S100A10: variants seen among roughly 807,000 people sequenced by gnomAD.
S100A10 encodes the protein protein S100-A10.
S100A10 carries 3 observed loss-of-function variants against 7.1 expected under a neutral mutation model. The observed-to-expected ratio is 0.42, with a 90% CI of 0.19 to 1.10. The LOEUF is 1.10. Among genes scored for constraint, S100A10 ranks in the 50% least tolerant of loss-of-function variants. The probability of loss-of-function intolerance (pLI) is 0.29; values close to 1 mark genes in which losing one functional copy is unlikely to be tolerated. For missense variants in S100A10, 101 were observed against 118.1 expected (o/e 0.86, Z 0.67); for synonymous variants, 41 against 39.3 (o/e 1.04, Z -0.16).
intron 2 of S100A10, among the ~76,000 whole-genome samples, chr1:151,985,620 C>T (rs141787231): frequency 4.6e-5 from 7 of 152,310 alleles, no homozygotes; most frequent in South Asian, 2.1e-4. Flanking sequence ...AAGGGAGATT[C>T]GAGTTGCTCA....
intron 2 of S100A10, 21 bp downstream of exon 2, chr1:151,986,078 T>C: frequency 6.4e-7 from 1 of 1,572,504 alleles, no homozygotes; most frequent in South Asian, 1.2e-5. Flanking sequence ...TCTGGTTCTT[T>C]GTAAGCTTTT....
intron 1 of S100A10, among the ~76,000 whole-genome samples, chr1:151,991,580 T>G (rs1655903747): frequency 6.6e-6 from 1 of 152,242 alleles, no homozygotes; most frequent in Non-Finnish European, 1.5e-5. Context: ...TCTTTCTTTT[T>G]GCTTTTGATG....
At chr1:151,984,349 C>T (rs1161776232) in intron 2 of S100A10, among the ~76,000 whole-genome samples, 1 of 152,104 alleles carries the variant, frequency 6.6e-6, no homozygotes, top group Admixed American at 6.5e-5. Flanking sequence ...ATGAGCACTG[C>T]AAACTCCTAC....
At chr1:151,987,779 C>T (rs1022245666) in intron 1 of S100A10, among the ~76,000 whole-genome samples, 3 of 152,116 alleles carry the variant, frequency 2.0e-5, no homozygotes, top group Admixed American at 2.0e-4. Context: ...CCGCCCACCT[C>T]GGCCTCCCAA....
rs978091397 is a variant in S100A10 at position 151,988,070 on chromosome 1, C to T, written c.-21-1819G>A. 3.4e-4 allele frequency among the ~76,000 whole-genome samples: 52 copies of T among 152,158 alleles called. 1 individual carries two copies. Among genetic ancestry groups the T allele is most frequent in the Admixed American group, 3.3e-4 (5 of 15,278 alleles). Reference sequence around the variant, plus strand: ...CTGGGGTACAGTGGGAAAGCAAGAGCTTTCATCATGAAGCGTTTATAAGAA... The same window carrying T: ...CTGGGGTACAGTGGGAAAGCAAGAGTTTTCATCATGAAGCGTTTATAAGAA... On this transcript the variant is annotated intron_variant, in intron 1 of 2. Transcript: ENST00000368811.
chr1:151,991,230 A>C (rs1453553608), intron 1 of S100A10, among the ~76,000 whole-genome samples: 9 of 152,222 alleles, frequency 5.9e-5, no homozygotes, highest in East Asian at 1.9e-4. Flanking sequence ...GGCATTCTTA[A>C]ATTTGATCTC....
Position 151,993,793 on chromosome 1 carries a change from T to G in S100A10, c.-63A>C, listed in dbSNP as rs976825746. 4 of 156,918 alleles carry G rather than the reference T, an allele frequency of 2.5e-5. No individual in the cohort carries two copies. The highest frequency in any genetic ancestry group is 5.6e-5 in the Non-Finnish European group (4 of 71,548). 9.7% of individuals were successfully genotyped at this position (156,918 alleles called of 1,614,324 possible). A position where few individuals can be genotyped will look rare whatever the true frequency, so the allele number is the denominator to read the frequency against. On this transcript the variant is annotated 5_prime_UTR_variant, in exon 1 of 3. Coordinates refer to ENST00000368811, the MANE Select transcript of S100A10 (RefSeq NM_002966.3). The surrounding 1 kb of genome is among the most constrained non-coding windows in gnomAD (Gnocchi z 5.1). ...CGGACGCTGGGCGAGCTGGGCGAGCTGGACGCGGGGCGGAGAGGCGAGCGC... is the reference window on the plus strand; with the variant it reads ...CGGACGCTGGGCGAGCTGGGCGAGCGGGACGCGGGGCGGAGAGGCGAGCGC...
chr1:151,983,458 T>C (rs1392137560), intron 2 of S100A10, 134 bp from the exon 3 acceptor site: 1 of 459,022 alleles, frequency 2.2e-6, no homozygotes, highest in Non-Finnish European at 3.6e-6. Flanking sequence ...ATAAGCAACC[T>C]TTGGAGTTCA....
rs386368314 is a variant in S100A10, at chr1:151,987,027, CTTTTTTTTTTTTTTT to C, written c.-21-791_-21-777del. 3.2e-3 allele frequency among the ~76,000 whole-genome samples: 267 copies of C among 83,558 alleles called. 7 individuals are homozygous for C. In the East Asian group the frequency reaches 0.058, roughly 18 times the overall value. The allele number at this position is 83,558 out of a possible 152,430, so 54.8% of individuals were successfully genotyped here. ...TTAGAAAAGCAACATCAGTGTTCCT[CTTTTTTTTTTTTTTT>C]TTTTTTTTTTTGAGACGGAGCTTTG... is the stretch of plus-strand genomic sequence containing the variant. On this transcript the variant is annotated intron_variant, in intron 1 of 2. Coordinates refer to ENST00000368811, the MANE Select transcript of S100A10 (RefSeq NM_002966.3).
At chr1:151,990,686 T>A (rs1238103890) in intron 1 of S100A10, among the ~76,000 whole-genome samples, 1 of 152,190 alleles carries the variant, frequency 6.6e-6, no homozygotes, top group Non-Finnish European at 1.5e-5. Context: ...CACACACACA[T>A]ACACACATGC....
At chr1:151,986,288 C>T in intron 1 of S100A10, 37 bp from the exon 2 acceptor site, 1 of 1,447,832 alleles carries the variant, frequency 6.9e-7, no homozygotes, top group Non-Finnish European at 9.2e-7. Flanking sequence ...TCTACATTAA[C>T]TTTTTTTGGC....
In S100A10 at chr1:151,983,324, T is replaced by G; in HGVS notation, c.133A>C (p.Asn45His). The part of the protein sequence containing the change: ...MEKEFPGFLE[N>H]QKDPLAVDKI... Reference sequence around the variant, plus strand: ...TCCACAGCCAGAGGGTCTTTTTGATTCTGAAAAAAAAAAGAACAAAGGCAA... The same window carrying G: ...TCCACAGCCAGAGGGTCTTTTTGATGCTGAAAAAAAAAAGAACAAAGGCAA... The change falls in exon 3 of 3, where the codon AAT becomes CAT. Residue 45 changes from asparagine to histidine, a missense_variant and splice_region_variant. Coordinates refer to ENST00000368811, the MANE Select transcript of S100A10 (RefSeq NM_002966.3). The G allele has an allele frequency of 1.3e-6, 2 of 1,534,688 alleles. No individual in the cohort carries two copies. The highest frequency in any genetic ancestry group is 1.7e-6 in the Non-Finnish European group (2 of 1,147,010).
chr1:151,984,414 C>T (rs1294798687), intron 2 of S100A10, among the ~76,000 whole-genome samples: 2 of 152,294 alleles, frequency 1.3e-5, no homozygotes, highest in Admixed American at 1.3e-4. Context: ...ATTCTGGCTT[C>T]ACCCTCAGCT....
intron 1 of S100A10, among the ~76,000 whole-genome samples, chr1:151,989,348 T>A (rs1655858606): frequency 6.6e-6 from 1 of 152,156 alleles, no homozygotes; most frequent in Admixed American, 6.5e-5. Flanking sequence ...CCCAGCGGTT[T>A]TATTCAGTGG....
intron 1 of S100A10, among the ~76,000 whole-genome samples, chr1:151,987,148 G>A (rs1260205285): frequency 1.4e-5 from 2 of 146,362 alleles, no homozygotes; most frequent in Non-Finnish European, 3.0e-5. Context: ...GGGATTACAG[G>A]CGTCCGCCAC....
At chr1:151,987,161 T>C (rs1655810427) in intron 1 of S100A10, among the ~76,000 whole-genome samples, 1 of 146,788 alleles carries the variant, frequency 6.8e-6, no homozygotes, top group African/African-American at 2.5e-5. Context: ...TCCGCCACCA[T>C]GTCCGGCTAA....
chr1:151,987,855 A>C (rs915781891), intron 1 of S100A10, among the ~76,000 whole-genome samples: 1 of 152,140 alleles, frequency 6.6e-6, no homozygotes, highest in African/African-American at 2.4e-5. Context: ...AAAGCTCTGA[A>C]CTTGTTATTT....
chr1:151,986,079 G>A lies in S100A10; in HGVS notation c.132+20C>T. ...CATTGACTTTTATGTCTGGTTCTTT[G>A]TAAGCTTTTCAACACTTACTTCCAA... On this transcript the variant is annotated intron_variant, in intron 2 of 2. Transcript: ENST00000368811. 1 of 1,572,526 alleles carries A rather than the reference G, an allele frequency of 6.4e-7. No individual in the cohort carries two copies. Among genetic ancestry groups the A allele is most frequent in the Non-Finnish European group, 8.6e-7 (1 of 1,165,690 alleles).
Position 151,983,014 on chromosome 1 carries a change from G to C in S100A10, c.*149C>G. On this transcript the variant is annotated 3_prime_UTR_variant, in exon 3 of 3. Transcript: ENST00000368811. Reference sequence around the variant, plus strand: ...GTATTTAACTTTTCTTTCTCTGCTTGTCAAATGAGAGTTAGATTTTATTTT... The same window carrying C: ...GTATTTAACTTTTCTTTCTCTGCTTCTCAAATGAGAGTTAGATTTTATTTT... 1 of 510,730 alleles carries C rather than the reference G, an allele frequency of 2.0e-6. No homozygotes were observed. Among genetic ancestry groups the C allele is most frequent in the Non-Finnish European group, 3.3e-6 (1 of 301,782 alleles). 31.6% of individuals were successfully genotyped at this position (510,730 alleles called of 1,614,324 possible).
Sources: allele counts gnomAD v4.1 joint callset (sites outside exome capture counted in the v4.1 genomes callset), GRCh38; gene constraint gnomAD v4.1.1; non-coding constraint Gnocchi (gnomAD v3.1); transcripts MANE v1.5; gene names NCBI Gene and HGNC (gene_info 2026-07-23, HGNC 2026-07-21).